The following PCYT1B variants were observed in gnomAD, a reference collection of about 807,000 sequenced individuals.
PCYT1B encodes phosphate cytidylyltransferase 1B, choline, also known as choline-phosphate cytidylyltransferase B.
PCYT1B carries 10 observed loss-of-function variants against 26.4 expected under a neutral mutation model. The observed-to-expected ratio is 0.38, with a 90% CI of 0.23 to 0.64. The LOEUF (loss-of-function observed/expected upper bound fraction) is 0.64. Ranked by LOEUF, PCYT1B falls within the 30% of genes least tolerant of loss-of-function variation. The pLI is 0.56. For missense variants in PCYT1B, 161 were observed against 292.7 expected (o/e 0.55, Z 3.28); for synonymous variants, 131 against 108.4 (o/e 1.21, Z -1.29).
chrX:24,568,025 T>A (rs1923691124), intron 7 of PCYT1B, among the ~76,000 whole-genome samples: 1 of 111,940 alleles, frequency 8.9e-6, no homozygotes, highest in Non-Finnish European at 1.9e-5. Flanking sequence ...GACAAATGCC[T>A]TTAAAGGTTT....
chrX:24,630,586 C>T (rs999733732), intron 1 of PCYT1B, among the ~76,000 whole-genome samples: 1 of 112,246 alleles, frequency 8.9e-6, no homozygotes, highest in Non-Finnish European at 1.9e-5. Flanking sequence ...TGAGCCACCA[C>T]GCCCAGTCAA....
At chrX:24,595,710 T>C (rs777700850) in intron 3 of PCYT1B, among the ~76,000 whole-genome samples, 13 of 110,086 alleles carry the variant, frequency 1.2e-4, no homozygotes, top group Non-Finnish European at 2.1e-4. Context: ...TGAAACCCCG[T>C]CTCTACTAAA....
chrX:24,572,289 C>T (rs924002098), intron 7 of PCYT1B, among the ~76,000 whole-genome samples: 10 of 109,918 alleles, frequency 9.1e-5, no homozygotes, highest in African/African-American at 2.3e-4. Flanking sequence ...CACACACACA[C>T]GTATATGGGG....
At chrX:24,666,515 A>G (rs1376003530) in intron 1 of PCYT1B, among the ~76,000 whole-genome samples, 4 of 111,118 alleles carry the variant, frequency 3.6e-5, no homozygotes, top group Non-Finnish European at 7.5e-5. Flanking sequence ...GCTAAGAAAA[A>G]CAGATTTGAA....
In PCYT1B at chrX:24,593,441, C is replaced by CTTTCTTTTCT. The variant is rs200527762; in HGVS notation, c.335-3277_335-3268dup. On this transcript the variant is annotated intron_variant, in intron 3 of 7. Coordinates refer to ENST00000379144, the MANE Select transcript of PCYT1B (RefSeq NM_004845.5). ...CTCTCTTTCTTTCTTTCCTTTCTTT[C>CTTTCTTTTCT]TTTCTTTTCTTTTCTTTTCTTTTCT... Among the ~76,000 whole-genome samples the CTTTCTTTTCT allele has an allele frequency of 2.3e-3, 129 of 56,745 alleles. 2 individuals carry two copies. The highest frequency in any genetic ancestry group is 0.019 in the Middle Eastern group (2 of 105). 49.3% of individuals were successfully genotyped at this position (56,745 alleles called of 115,157 possible).
chrX:24,608,007 G>T, intron 2 of PCYT1B, 146 bp from the exon 3 acceptor site: 1 of 420,725 alleles, frequency 2.4e-6, no homozygotes, highest in Non-Finnish European at 4.2e-6. Flanking sequence ...ATTTTAAAGG[G>T]GTTCTTCTGA....
Position 24,566,869 on chromosome X carries a change from T to C in PCYT1B, c.898-4364A>G, listed in dbSNP as rs770135597. 4.5e-5 allele frequency among the ~76,000 whole-genome samples: 5 copies of C among 111,670 alleles called. No individual in the cohort carries two copies. The South Asian group carries it at 1.9e-3, about 42-fold the overall frequency. On this transcript the variant is annotated intron_variant, in intron 7 of 7. Transcript: ENST00000379144. ...CAGATTTAAAATTCCACACGTCTGCTAATATACCAATTATTTACCTTCCAT... is the reference window on the plus strand; with the variant it reads ...CAGATTTAAAATTCCACACGTCTGCCAATATACCAATTATTTACCTTCCAT...
At chrX:24,634,190 A>T (rs1926199748) in intron 1 of PCYT1B, among the ~76,000 whole-genome samples, 1 of 112,061 alleles carries the variant, frequency 8.9e-6, no homozygotes. Flanking sequence ...AAGTGTTGGA[A>T]TTACAGGCAT....
chrX:24,648,475 T>TTTTTTTTTTG (rs1926696696), upstream of PCYT1B, among the ~76,000 whole-genome samples: 1 of 92,943 alleles, frequency 1.1e-5, no homozygotes, highest in African/African-American at 4.5e-5. Context: ...TTTTTTTTTT[T>TTTTTTTTTTG]GCGAAGGGCG....
At chrX:24,655,097 T>C (rs143699452) in intron 1 of PCYT1B, among the ~76,000 whole-genome samples, 5,729 of 112,179 alleles carry the variant, frequency 0.051, 249 homozygotes, top group African/African-American at 0.14. Context: ...CATTGACTTA[T>C]AATAACACTA....
intron 4 of PCYT1B, among the ~76,000 whole-genome samples, chrX:24,589,757 T>C (rs61761907): frequency 0.024 from 2,681 of 111,371 alleles, 75 homozygotes; most frequent in African/African-American, 0.081. Flanking sequence ...TTAGATATCT[T>C]GTTCAAGGTC....
intron 3 of PCYT1B, among the ~76,000 whole-genome samples, chrX:24,607,139 A>G (rs961757352): frequency 1.8e-5 from 2 of 112,163 alleles, no homozygotes; most frequent in Non-Finnish European, 3.8e-5. Flanking sequence ...ATTTCAGTCC[A>G]CATCTAACGA....
chrX:24,583,370 G>A (rs750909431), intron 5 of PCYT1B, among the ~76,000 whole-genome samples: 3 of 111,434 alleles, frequency 2.7e-5, no homozygotes, highest in Admixed American at 1.9e-4. Context: ...CAGCCCAGTC[G>A]AGCCTTCAGA....
At chrX:24,638,598 T>C (rs990384436) in intron 1 of PCYT1B, among the ~76,000 whole-genome samples, 12 of 111,985 alleles carry the variant, frequency 1.1e-4, no homozygotes, top group Admixed American at 1.9e-4. Context: ...TTTTTTCCTT[T>C]TCATTCTTCC....
chrX:24,580,736 A>G (rs1239711322), intron 5 of PCYT1B, among the ~76,000 whole-genome samples: 1 of 112,000 alleles, frequency 8.9e-6, no homozygotes, highest in East Asian at 2.8e-4. Context: ...GTTGTTGGCA[A>G]CTGAGATCTT....
intron 7 of PCYT1B, 47 bp from the exon 8 acceptor site, chrX:24,562,552 G>A (rs1024979666): frequency 2.8e-5 from 31 of 1,108,801 alleles, no homozygotes; most frequent in Non-Finnish European, 3.7e-5. Context: ...TGCAATCTGA[G>A]GCAGCAGCAA....
rs190445334 is a variant in PCYT1B, at chrX:24,607,108, T to C, written c.334+637A>G. ...ACTATCCCTTTTAGCCAAAAAGAAATAGGCCTCCTGGAGGAGGAAAATTTC... is the reference window on the plus strand; with the variant it reads ...ACTATCCCTTTTAGCCAAAAAGAAACAGGCCTCCTGGAGGAGGAAAATTTC... On this transcript the variant is annotated intron_variant, in intron 3 of 7. Transcript: ENST00000379144. Among the ~76,000 whole-genome samples, 167 of 111,939 alleles carry C rather than the reference T, an allele frequency of 1.5e-3. 1 individual carries two copies. Among genetic ancestry groups the C allele is most frequent in the African/African-American group, 5.2e-3 (161 of 30,857 alleles).
chrX:24,610,102 A>G (rs781017473), intron 2 of PCYT1B, among the ~76,000 whole-genome samples: 1 of 110,829 alleles, frequency 9.0e-6, no homozygotes, highest in African/African-American at 3.3e-5. Context: ...AATTATATAT[A>G]TATATATATG....
At chrX:24,643,529 T>G (rs1363834217) in intron 1 of PCYT1B, among the ~76,000 whole-genome samples, 2 of 112,081 alleles carry the variant, frequency 1.8e-5, no homozygotes, top group Non-Finnish European at 3.8e-5. Context: ...GGCTCTATCA[T>G]AAAACCTAGG....
Sources: allele counts gnomAD v4.1 joint callset (sites outside exome capture counted in the v4.1 genomes callset), GRCh38; gene constraint gnomAD v4.1.1; transcripts MANE v1.5; gene names NCBI Gene and HGNC (gene_info 2026-07-23, HGNC 2026-07-21).